SAMD5: variants seen among roughly 807,000 people sequenced by gnomAD.
SAMD5 encodes the protein sterile alpha motif domain containing 5, also known as sterile alpha motif domain-containing protein 5.
In SAMD5, 13 loss-of-function variants were observed where a neutral mutation model predicts 11.3. That is an observed-to-expected ratio of 1.15 (90% CI 0.75 to 1.83). SAMD5 has a LOEUF of 1.83. SAMD5 is among the 40% of genes most tolerant of loss of function. The pLI is 0.00. For synonymous variants in SAMD5, 129 were observed against 111.3 expected, an observed-to-expected ratio of 1.16 and a Z score of -1.00; for missense variants, 255 against 239.1, an observed-to-expected ratio of 1.07 and a Z score of -0.44.
the SAMD5 span, among the ~76,000 whole-genome samples, chr6:147,792,155 G>T: frequency 6.6e-6 from 1 of 152,198 alleles, no homozygotes; most frequent in Non-Finnish European, 1.5e-5. Flanking sequence ...CAACGTTACT[G>T]AAGGGGGTGG....
At chr6:147,616,238 C>CTTCATATATATTTATTTATATATAT (rs1789869792) in intron 1 of SAMD5, among the ~76,000 whole-genome samples, 1 of 112,084 alleles carries the variant, frequency 8.9e-6, no homozygotes, top group Non-Finnish European at 1.8e-5. Context: ...TTCATATATA[C>CTTCATATATATTTATTTATATATAT]TTCATATATA....
chr6:147,791,874 G>A, the SAMD5 span, among the ~76,000 whole-genome samples: 1 of 152,124 alleles, frequency 6.6e-6, no homozygotes, highest in Non-Finnish European at 1.5e-5. Flanking sequence ...TATGACTTAC[G>A]AGAAAAGGCA....
At chr6:147,937,402 G>T in the SAMD5 span, among the ~76,000 whole-genome samples, 3 of 152,132 alleles carry the variant, frequency 2.0e-5, no homozygotes, top group Admixed American at 6.5e-5. Context: ...CTCTCTGCAG[G>T]TTTCCTAGAC....
chr6:147,761,466 T>A, the SAMD5 span, among the ~76,000 whole-genome samples: 1 of 152,102 alleles, frequency 6.6e-6, no homozygotes, highest in Non-Finnish European at 1.5e-5. Context: ...GACAAAGAAA[T>A]ATAATTTTTG....
the SAMD5 span, among the ~76,000 whole-genome samples, chr6:147,753,919 G>T: frequency 6.6e-6 from 1 of 152,122 alleles, no homozygotes; most frequent in African/African-American, 2.4e-5. Context: ...ACTCCATTGT[G>T]TATATGTACC....
chr6:147,610,041 AG>A (rs1308131552), intron 1 of SAMD5, among the ~76,000 whole-genome samples: 3 of 152,212 alleles, frequency 2.0e-5, no homozygotes, highest in Non-Finnish European at 1.5e-5. Context: ...CCAAGTATGA[AG>A]ATTGCACATT....
At chr6:147,877,770 A>C in the SAMD5 span, among the ~76,000 whole-genome samples, 19 of 151,654 alleles carry the variant, frequency 1.3e-4, no homozygotes, top group Non-Finnish European at 2.4e-4. Flanking sequence ...CCTGCCCTGC[A>C]GATTTTGGGC....
At chr6:147,774,306 CTG>C in the SAMD5 span, among the ~76,000 whole-genome samples, 1 of 152,116 alleles carries the variant, frequency 6.6e-6, no homozygotes, top group Admixed American at 6.5e-5. Flanking sequence ...TGCAGGGGTA[CTG>C]AATGAGATAA....
chr6:147,777,923 T>C, the SAMD5 span, among the ~76,000 whole-genome samples: 7 of 152,224 alleles, frequency 4.6e-5, no homozygotes, highest in Non-Finnish European at 8.8e-5. Flanking sequence ...TTGATGGACA[T>C]TTGGTTGTTT....
chr6:147,752,777 A>G, the SAMD5 span, among the ~76,000 whole-genome samples: 1 of 152,214 alleles, frequency 6.6e-6, no homozygotes, highest in Non-Finnish European at 1.5e-5. Context: ...TGGCTCAGTT[A>G]AGGCAGGAAT....
rs1217698388 is a variant in SAMD5, at chr6:147,568,800, A to T, written c.*4344A>T. 1 of 962,792 alleles carries T rather than the reference A, an allele frequency of 1.0e-6. No homozygotes were observed. Among genetic ancestry groups the T allele is most frequent in the African/African-American group, 1.8e-5 (1 of 56,758 alleles). The allele number at this position is 962,792 out of a possible 1,614,324, so 59.6% of individuals were successfully genotyped here. A position where few individuals can be genotyped will look rare whatever the true frequency, so the allele number is the denominator to read the frequency against. On this transcript the variant is annotated 3_prime_UTR_variant, in exon 2 of 2. Coordinates refer to ENST00000367474, the MANE Select transcript of SAMD5 (RefSeq NM_001030060.3). ...ACACTATCAGATTCTTTGATTAAAA[A>T]ATCATCTTCAGCTTTACATTATTAA...
chr6:147,862,180 T>A, the SAMD5 span, among the ~76,000 whole-genome samples: 1 of 152,114 alleles, frequency 6.6e-6, no homozygotes, highest in East Asian at 1.9e-4. Context: ...AGATAATTAT[T>A]TTTATGGTTA....
the SAMD5 span, among the ~76,000 whole-genome samples, chr6:147,854,081 G>C: frequency 6.6e-6 from 1 of 152,196 alleles, no homozygotes; most frequent in Admixed American, 6.5e-5. Context: ...TGTAGCCTAA[G>C]TTGAAAATCA....
the SAMD5 span, among the ~76,000 whole-genome samples, chr6:147,919,648 A>G: frequency 4.7e-4 from 72 of 152,316 alleles, no homozygotes; most frequent in South Asian, 0.01. Context: ...GCCTGACCAT[A>G]TTGACTGATT....
At chr6:147,774,475 C>T in the SAMD5 span, among the ~76,000 whole-genome samples, 95 of 152,098 alleles carry the variant, frequency 6.2e-4, no homozygotes, top group African/African-American at 2.1e-3. Flanking sequence ...ATATAACCTA[C>T]GCATATCCTC....
chr6:147,885,030 TA>T, the SAMD5 span, among the ~76,000 whole-genome samples: 222 of 152,316 alleles, frequency 1.5e-3, 2 homozygotes, highest in African/African-American at 5.3e-3. Context: ...AATAGCCTTT[TA>T]AAAAAAGTTT....
intron 1 of SAMD5, among the ~76,000 whole-genome samples, chr6:147,704,812 G>A (rs1466889220): frequency 6.6e-6 from 1 of 152,226 alleles, no homozygotes; most frequent in Non-Finnish European, 1.5e-5. Context: ...ACTGGTTGAA[G>A]CTTTTCTGTT....
At chr6:147,929,397 A>G in the SAMD5 span, among the ~76,000 whole-genome samples, 1 of 152,146 alleles carries the variant, frequency 6.6e-6, no homozygotes, top group African/African-American at 2.4e-5. Flanking sequence ...TTTTATTTAC[A>G]CCAGTGGGTC....
chr6:147,734,957 A>C (rs1346106069), intron 1 of SAMD5, among the ~76,000 whole-genome samples: 1 of 152,118 alleles, frequency 6.6e-6, no homozygotes, highest in Non-Finnish European at 1.5e-5. Flanking sequence ...CCAAAATGAT[A>C]TATGTGCCTC....
Sources: gnomAD v4.1 joint callset for allele counts (sites outside exome capture counted in the v4.1 genomes callset) on GRCh38, gnomAD v4.1.1 for gene constraint, MANE v1.5 for transcripts, NCBI Gene and HGNC (gene_info 2026-07-23, HGNC 2026-07-21) for gene names.